The following CSN1S1 variants were observed in gnomAD, a reference collection of about 807,000 sequenced individuals.
The protein encoded by CSN1S1 is casein alpha s1.
A neutral mutation model predicts 49.1 loss-of-function variants in CSN1S1; 63 were observed. The ratio of observed to expected loss-of-function variants is 1.28; its 90% confidence interval spans 1.05 to 1.58. CSN1S1 has a LOEUF of 1.58. Among genes scored for constraint, CSN1S1 ranks in the 40% most tolerant of loss-of-function variants. The pLI is 0.00. For synonymous variants in CSN1S1, 78 were observed against 67.1 expected (o/e 1.16, Z -0.79); for missense variants, 260 against 224.7 (o/e 1.16, Z -1.01).
intron 13 of CSN1S1, 53 bp downstream of exon 13, chr4:69,942,116 G>A (rs1239474849): frequency 3.7e-6 from 4 of 1,071,368 alleles, no homozygotes; most frequent in Non-Finnish European, 5.3e-6. Context: ...CATGTGTTAT[G>A]TTTTTATAAT....
chr4:69,935,836 A>G (rs903584295), intron 4 of CSN1S1, 90 bp from the exon 5 acceptor site: 1 of 830,344 alleles, frequency 1.2e-6, no homozygotes, highest in Non-Finnish European at 2.0e-6. Context: ...GAATAGAAGA[A>G]CATAACGTTT....
At chr4:69,937,009 A>G (rs886850009) in intron 7 of CSN1S1, 112 bp from the exon 8 acceptor site, 7 of 777,888 alleles carry the variant, frequency 9.0e-6, no homozygotes, top group Non-Finnish European at 1.5e-5. Context: ...TGGATTGTCT[A>G]CTAGTTTTCT....
intron 14 of CSN1S1, among the ~76,000 whole-genome samples, chr4:69,944,285 A>G (rs971541211): frequency 2.6e-5 from 4 of 151,998 alleles, no homozygotes; most frequent in Non-Finnish European, 5.9e-5. Flanking sequence ...TTATGAATCA[A>G]CAGAAGCAAC....
chr4:69,932,503 G>A (rs192060823), intron 1 of CSN1S1, 41 bp from the exon 2 acceptor site: 122 of 1,513,210 alleles, frequency 8.1e-5, no homozygotes, highest in Middle Eastern at 1.7e-4. Flanking sequence ...CAAATTTAAC[G>A]TAATAATATC....
At chr4:69,936,680 G>GA (rs1035979924) in intron 7 of CSN1S1, 73 bp downstream of exon 7, 511 of 1,379,178 alleles carry the variant, frequency 3.7e-4, no homozygotes, top group Non-Finnish European at 4.2e-4. Flanking sequence ...TTTCCTTTAG[G>GA]AAAAAAAAGC....
intron 14 of CSN1S1, among the ~76,000 whole-genome samples, chr4:69,943,884 G>A (rs1025984293): frequency 1.3e-5 from 2 of 152,088 alleles, no homozygotes; most frequent in South Asian, 4.1e-4. Context: ...GAGCCCTTGT[G>A]AACTAATCAG....
chr4:69,936,176 A>C (rs928759094), intron 5 of CSN1S1, among the ~76,000 whole-genome samples: 6 of 152,074 alleles, frequency 3.9e-5, no homozygotes, highest in Admixed American at 1.3e-4. Flanking sequence ...AAGGAATATT[A>C]GTTCATTTGT....
Position 69,942,050 on chromosome 4 carries a change from C to A in CSN1S1, c.347C>A (p.Ala116Asp). Residue 116 changes from alanine to aspartate, a missense_variant, in exon 13 of 16, where the codon GCT becomes GAT. Ala to Asp is a moderately radical substitution (Grantham distance 126). Coordinates refer to ENST00000246891, the MANE Select transcript of CSN1S1 (RefSeq NM_001890.2). ...LNEYNQLQLQAAHAQEQIRRM... is the reference protein window; with the variant it reads ...LNEYNQLQLQDAHAQEQIRRM... Reference sequence around the variant, plus strand: ...AGAATGTTTTCTCCTCCCTAGCAAGCTGCCCATGCCCAGGTGAGATTATTT... The same window carrying A: ...AGAATGTTTTCTCCTCCCTAGCAAGATGCCCATGCCCAGGTGAGATTATTT... The A allele has an allele frequency of 1.4e-6, 2 of 1,470,342 alleles. No homozygotes were observed. The highest frequency in any genetic ancestry group is 1.4e-5 in the South Asian group (1 of 71,790). The allele number at this position is 1,470,342 out of a possible 1,614,324, so 91.1% of individuals were successfully genotyped here.
At chr4:69,938,036 T>A (rs1195028940) in intron 9 of CSN1S1, among the ~76,000 whole-genome samples, 2 of 151,894 alleles carry the variant, frequency 1.3e-5, no homozygotes, top group Non-Finnish European at 2.9e-5. Context: ...TGTACAATGT[T>A]GTGCTAGATA....
Position 69,932,584 on chromosome 4 carries a change from T to C in CSN1S1, c.29T>C (p.Val10Ala). The C allele has an allele frequency of 1.2e-6, 2 of 1,602,906 alleles. No individual in the cohort carries two copies. The highest frequency in any genetic ancestry group is 1.7e-6 in the Non-Finnish European group (2 of 1,173,578). MRLLILTCL[V>A]AVALARPKLP... is the part of the protein sequence containing the mutation. ...AGGCTTCTCATTCTCACCTGTCTTGTGGCTGTTGCTCTTGCCAGGCCTGTA... is the reference window on the plus strand; with the variant it reads ...AGGCTTCTCATTCTCACCTGTCTTGCGGCTGTTGCTCTTGCCAGGCCTGTA... Residue 10 changes from valine to alanine, a missense_variant, in exon 2 of 16, where the codon GTG (valine) becomes GCG (alanine). By Grantham distance (64) the Val-to-Ala change is moderately conservative. Coordinates refer to ENST00000246891, the MANE Select transcript of CSN1S1 (RefSeq NM_001890.2).
In CSN1S1 at chr4:69,932,540, A is replaced by G. The variant is rs1230729324; in HGVS notation, c.-12-4A>G. ...AACTCTTTCTTTTTTGTTCTCTTAC[A>G]TAGGCTCTGATAACCATGAGGCTTC... On this transcript the variant is annotated splice_region_variant and splice_polypyrimidine_tract_variant and intron_variant, in intron 1 of 15. Transcript: ENST00000246891. 3 of 1,596,978 alleles carry G rather than the reference A, an allele frequency of 1.9e-6. No individual in the cohort carries two copies. The highest frequency in any genetic ancestry group is 2.6e-6 in the Non-Finnish European group (3 of 1,169,768).
intron 2 of CSN1S1, among the ~76,000 whole-genome samples, chr4:69,932,958 A>G (rs965776473): frequency 1.3e-5 from 2 of 152,034 alleles, no homozygotes; most frequent in African/African-American, 4.8e-5. Flanking sequence ...CAAAATTCTC[A>G]TATTTCTAAA....
intron 11 of CSN1S1, 80 bp from the exon 12 acceptor site, chr4:69,940,939 T>C: frequency 1.4e-6 from 1 of 714,448 alleles, no homozygotes; most frequent in South Asian, 1.9e-5. Flanking sequence ...CATTGTTAGA[T>C]TCTTGTTTCA....
At chr4:69,931,454 T>C (rs1341450630) in intron 1 of CSN1S1, among the ~76,000 whole-genome samples, 3 of 151,940 alleles carry the variant, frequency 2.0e-5, no homozygotes, top group Non-Finnish European at 4.4e-5. Context: ...GTTATGCAAA[T>C]AATTTCTTAT....
intron 4 of CSN1S1, 102 bp downstream of exon 4, chr4:69,934,812 C>T: frequency 9.7e-7 from 1 of 1,029,094 alleles, no homozygotes; most frequent in Non-Finnish European, 1.5e-6. Flanking sequence ...ATTTTTATTT[C>T]CCTTCAAATG....
chr4:69,939,430 T>G (rs1722905370), intron 10 of CSN1S1, among the ~76,000 whole-genome samples: 1 of 151,782 alleles, frequency 6.6e-6, no homozygotes, highest in Non-Finnish European at 1.5e-5. Context: ...CAATCTTATC[T>G]GGCCATCTGT....
intron 1 of CSN1S1, among the ~76,000 whole-genome samples, 188 bp from the exon 2 acceptor site, chr4:69,932,356 A>G (rs1425506254): frequency 6.6e-6 from 1 of 151,960 alleles, no homozygotes; most frequent in Non-Finnish European, 1.5e-5. Flanking sequence ...AATAACTAGA[A>G]TGGTAAACAT....
At chr4:69,933,531 C>T (rs1340909062) in intron 2 of CSN1S1, among the ~76,000 whole-genome samples, 1 of 151,928 alleles carries the variant, frequency 6.6e-6, no homozygotes, top group Non-Finnish European at 1.5e-5. Context: ...AGAAAGAAAT[C>T]TCTGCTTGCA....
chr4:69,937,913 A>T, intron 9 of CSN1S1, 90 bp downstream of exon 9: 1 of 799,716 alleles, frequency 1.3e-6, no homozygotes, highest in Non-Finnish European at 1.9e-6. Flanking sequence ...TGTCTTCTGA[A>T]ATTAAGCAAA....
Sources: allele counts gnomAD v4.1 joint callset (sites outside exome capture counted in the v4.1 genomes callset), GRCh38; gene constraint gnomAD v4.1.1; transcripts MANE v1.5; gene names NCBI Gene and HGNC (gene_info 2026-07-23, HGNC 2026-07-21).